OR2T12: variants seen among roughly 807,000 people sequenced by gnomAD.
OR2T12 encodes the protein olfactory receptor family 2 subfamily T member 12.
For synonymous variants in OR2T12, 127 were observed against 160.5 expected (o/e 0.79, Z 1.58); for missense variants, 335 against 404.3 (o/e 0.83, Z 1.47).
Position 248,293,966 on chromosome 1 carries a change from AG to A in OR2T12, c.*649del, listed in dbSNP as rs1659673148. ...TGTGACAATATAGCAGTTACATTTG[AG>A]TTGTGTACTTCCCCTTTTGTCATGC... On this transcript the variant is annotated 3_prime_UTR_variant, in exon 3 of 3. Transcript: ENST00000641276. 6.6e-6 allele frequency: 1 copy of A among 152,162 alleles called. No homozygotes were observed. The highest frequency in any genetic ancestry group is 1.5e-5 in the Non-Finnish European group (1 of 68,016). 9.4% of individuals were successfully genotyped at this position (152,162 alleles called of 1,614,324 possible).
rs1403618398 is a variant in OR2T12, at chr1:248,291,000, G to A, written c.*3616C>T. 3 of 103,906 alleles carry A rather than the reference G, an allele frequency of 2.9e-5. No individual in the cohort carries two copies. Among genetic ancestry groups the A allele is most frequent in the Non-Finnish European group, 6.2e-5 (3 of 48,110 alleles). The allele number at this position is 103,906 out of a possible 1,614,324, so 6.4% of individuals were successfully genotyped here. A position where few individuals can be genotyped will look rare whatever the true frequency, so the allele number is the denominator to read the frequency against. On this transcript the variant is annotated 3_prime_UTR_variant, in exon 3 of 3. Coordinates refer to ENST00000641276, the MANE Select transcript of OR2T12 (RefSeq NM_001004692.2). ...CATATACTTTGCCCACTTTTTGATGGGGTTGTTTTTTTTTTCTTATAAATA... is the reference window on the plus strand; with the variant it reads ...CATATACTTTGCCCACTTTTTGATGAGGTTGTTTTTTTTTTCTTATAAATA...
Position 248,292,806 on chromosome 1 carries a change from C to G in OR2T12, c.*1810G>C, listed in dbSNP as rs1162453292. The G allele has an allele frequency of 6.6e-6, 1 of 151,836 alleles. No individual in the cohort carries two copies. The allele number at this position is 151,836 out of a possible 1,614,324, so 9.4% of individuals were successfully genotyped here. A position where few individuals can be genotyped will look rare whatever the true frequency, so the allele number is the denominator to read the frequency against. On this transcript the variant is annotated 3_prime_UTR_variant, in exon 3 of 3. Coordinates refer to ENST00000641276, the MANE Select transcript of OR2T12 (RefSeq NM_001004692.2). Reference sequence around the variant, plus strand: ...TCTCCTGAACATTAGGCTTAATTTTCTGGTTAGAATATTTTATCCTTACAA... The same window carrying G: ...TCTCCTGAACATTAGGCTTAATTTTGTGGTTAGAATATTTTATCCTTACAA...
chr1:248,298,636 C>A lies in OR2T12; in HGVS notation c.-9+2737G>T, dbSNP rs574959844. 2.4e-3 allele frequency among the ~76,000 whole-genome samples: 359 copies of A among 151,144 alleles called. 1 individual carries two copies. The highest frequency in any genetic ancestry group is 8.3e-3 in the African/African-American group (341 of 41,126). ...TCTTCTAGATTTTCTAGTTTATTTG[C>A]GTAGAGGTGTTTGTAGTATTCTCTG... On this transcript the variant is annotated intron_variant, in intron 2 of 2. Coordinates refer to ENST00000641276, the MANE Select transcript of OR2T12 (RefSeq NM_001004692.2).
Position 248,295,078 on chromosome 1 carries a change from G to T in OR2T12, c.501C>A (p.Cys167Ter). Residue 167 changes from cysteine (C) to a stop codon, truncating the protein, a stop_gained, in exon 3 of 3, where the codon TGC becomes TGA. Transcript: ENST00000641276. LOFTEE classifies it low-confidence loss of function (END_TRUNC). Reference sequence around the variant, plus strand: ...AGAAGTGATCGATCTCGTGTGCACCGCAATATGGGAAGCTCAGGGTAGCAA... The same window carrying T: ...AGAAGTGATCGATCTCGTGTGCACCTCAATATGGGAAGCTCAGGGTAGCAA... ...QAVATLSFPYCGAHEIDHFFC... is the reference protein window; with the variant it reads ...QAVATLSFPY The T allele has an allele frequency of 1.2e-6, 2 of 1,608,856 alleles. No homozygotes were observed. Among genetic ancestry groups the T allele is most frequent in the Admixed American group, 1.7e-5 (1 of 59,464 alleles).
intron 2 of OR2T12, among the ~76,000 whole-genome samples, chr1:248,298,829 G>C (rs190354813): frequency 6.6e-6 from 1 of 151,226 alleles, no homozygotes; most frequent in Non-Finnish European, 1.5e-5. Context: ...TTTTTTGAAG[G>C]GTTTTTTGTG....
intron 2 of OR2T12, among the ~76,000 whole-genome samples, chr1:248,297,315 T>G (rs201003296): frequency 4.0e-5 from 6 of 151,642 alleles, no homozygotes; most frequent in African/African-American, 1.4e-4. Context: ...TCTTTTCGCT[T>G]AGGATTGACT....
At chr1:248,298,186 T>A (rs1659763075) in intron 2 of OR2T12, among the ~76,000 whole-genome samples, 1 of 152,200 alleles carries the variant, frequency 6.6e-6, no homozygotes, top group Non-Finnish European at 1.5e-5. Context: ...CAGCCTTGCA[T>A]CCCAGCGATG....
chr1:248,294,740 G>A lies in OR2T12; in HGVS notation c.839C>T (p.Thr280Ile), dbSNP rs769342495. Residue 280 changes from threonine (T) to isoleucine (I), a missense_variant, in exon 3 of 3, where the codon ACC becomes ATC. Thr to Ile is a moderately conservative substitution (Grantham distance 89, BLOSUM62 -1). Transcript: ENST00000641276. ...KVVSAFYTMFTPLLNPLIYSV... is the reference protein window; with the variant it reads ...KVVSAFYTMFIPLLNPLIYSV... ...GTAGATGAGGGGATTTAGTAAAGGG[G>A]TGAACATAGTATAGAAGGCTGACAC... 9.9e-6 allele frequency: 16 copies of A among 1,613,964 alleles called. No individual in the cohort carries two copies. The Admixed American group carries it at 1.2e-4, about 12-fold the overall frequency.
chr1:248,298,437 T>A (rs975729659), intron 2 of OR2T12, among the ~76,000 whole-genome samples: 1 of 152,214 alleles, frequency 6.6e-6, no homozygotes, highest in Non-Finnish European at 1.5e-5. Flanking sequence ...TACAAGTTCC[T>A]CCTTGTACCT....
chr1:248,298,175 C>A (rs1296201629), intron 2 of OR2T12, among the ~76,000 whole-genome samples: 1 of 152,100 alleles, frequency 6.6e-6, no homozygotes. Flanking sequence ...TTATATTGAA[C>A]CAGCCTTGCA....
At chr1:248,299,732 A>AT (rs993565228) in intron 2 of OR2T12, among the ~76,000 whole-genome samples, 1 of 152,076 alleles carries the variant, frequency 6.6e-6, no homozygotes, top group Non-Finnish European at 1.5e-5. Flanking sequence ...CAGAATATAC[A>AT]TTTTTTTCAG....
rs751092647 is a variant in OR2T12, at chr1:248,294,940, C to T, written c.639G>A (p.Leu213=). Residue 213 remains leucine, a synonymous_variant, in exon 3 of 3, where the codon CTG becomes CTA. Transcript: ENST00000641276. ...CAGCGAGGATGAGACCATAGGAGGA[C>T]AGGATGAGGGAAAAGGGGACCAGGA... The part of the protein sequence containing the change: ...LMLLVPFSLI[L]SSYGLILAAV... The T allele has an allele frequency of 6.2e-7, 1 of 1,611,748 alleles. No individual in the cohort carries two copies. The highest frequency in any genetic ancestry group is 1.3e-5 in the African/African-American group (1 of 74,846).
intron 1 of OR2T12, among the ~76,000 whole-genome samples, chr1:248,302,420 A>G (rs966411015): frequency 5.3e-5 from 8 of 152,176 alleles, no homozygotes; most frequent in African/African-American, 1.9e-4. Context: ...CAACACTGCA[A>G]TAATGATTAT....
At chr1:248,299,581 A>G (rs1659784258) in intron 2 of OR2T12, among the ~76,000 whole-genome samples, 1 of 152,200 alleles carries the variant, frequency 6.6e-6, no homozygotes, top group Admixed American at 6.5e-5. Flanking sequence ...CCACACAATA[A>G]TAATGGAAGA....
At position 248,294,440 on chromosome 1, in the gene OR2T12, T is replaced by C. The variant is rs1259268067; in HGVS notation, c.*176A>G. 5 of 766,202 alleles carry C rather than the reference T, an allele frequency of 6.5e-6. No individual in the cohort carries two copies. The highest frequency in any genetic ancestry group is 5.4e-5 in the East Asian group (2 of 36,710). The allele number at this position is 766,202 out of a possible 1,614,324, so 47.5% of individuals were successfully genotyped here. On this transcript the variant is annotated 3_prime_UTR_variant, in exon 3 of 3. Coordinates refer to ENST00000641276, the MANE Select transcript of OR2T12 (RefSeq NM_001004692.2). Reference sequence around the variant, plus strand: ...AGGTATTACTTCACTTGAAGAAAAGTACATAAATGCTCAAAAATGGTATCT... The same window carrying C: ...AGGTATTACTTCACTTGAAGAAAAGCACATAAATGCTCAAAAATGGTATCT...
Position 248,301,464 on chromosome 1 carries a change from T to G in OR2T12, c.-100A>C, listed in dbSNP as rs1659810359. The stretch of plus-strand genomic sequence containing the variant: ...TCTGAAAATGCAGTGAAGATAACAT[T>G]GGGATTCCAAGAGGTATTTGTATAT... On this transcript the variant is annotated 5_prime_UTR_variant, in exon 2 of 3. Transcript: ENST00000641276. 6.6e-6 allele frequency: 1 copy of G among 152,022 alleles called. No individual in the cohort carries two copies. The allele number at this position is 152,022 out of a possible 1,614,324, so 9.4% of individuals were successfully genotyped here.
intron 2 of OR2T12, among the ~76,000 whole-genome samples, chr1:248,298,767 G>T (rs997243637): frequency 6.6e-6 from 1 of 150,640 alleles, no homozygotes; most frequent in African/African-American, 2.4e-5. Flanking sequence ...TCATGCTAGC[G>T]GTCTATCAAT....
At position 248,295,409 on chromosome 1, in the gene OR2T12, A is replaced by C. The variant is rs763885756; in HGVS notation, c.170T>G (p.Met57Arg). The C allele has an allele frequency of 6.9e-6, 11 of 1,605,408 alleles. No individual in the cohort carries two copies. The highest frequency in any genetic ancestry group is 9.4e-6 in the Non-Finnish European group (11 of 1,174,846). ...IHWDHRLHRP[M>R]YFLLSQLSLM... is the part of the protein sequence containing the mutation. ...GGAAAGTTGGCTCAGGAGGAAGTAC[A>C]TGGGCCTGTGGAGCCGGTGGTCCCA... Residue 57 changes from methionine to arginine, a missense_variant, in exon 3 of 3, where the codon ATG becomes AGG. Coordinates refer to ENST00000641276, the MANE Select transcript of OR2T12 (RefSeq NM_001004692.2).
At chr1:248,301,825 C>T (rs1659815295) in intron 1 of OR2T12, among the ~76,000 whole-genome samples, 1 of 151,994 alleles carries the variant, frequency 6.6e-6, no homozygotes, top group African/African-American at 2.4e-5. Context: ...CAAGAGGAGT[C>T]ATCAGATTTC....
Sources: allele counts gnomAD v4.1 joint callset (sites outside exome capture counted in the v4.1 genomes callset), GRCh38; gene constraint gnomAD v4.1.1; transcripts MANE v1.5; gene names NCBI Gene and HGNC (gene_info 2026-07-23, HGNC 2026-07-21).